Variants in TARM1 observed in about 807,000 individuals in gnomAD.
TARM1 encodes T-cell-interacting, activating receptor on myeloid cells protein 1.
A neutral mutation model predicts 30.4 loss-of-function variants in TARM1; 24 were observed. That is an observed-to-expected ratio of 0.79 (90% CI 0.57 to 1.11). TARM1 has a LOEUF of 1.11. TARM1 is among the 50% of genes least tolerant of loss of function. The pLI is 0.00. For missense variants in TARM1, 323 were observed against 332.8 expected, an observed-to-expected ratio of 0.97 and a Z score of 0.23; for synonymous variants, 129 against 138.9, an observed-to-expected ratio of 0.93 and a Z score of 0.50.
chr19:54,080,345 C>T (rs2072090451), intron 1 of TARM1, among the ~76,000 whole-genome samples: 1 of 150,190 alleles, frequency 6.7e-6, no homozygotes, highest in South Asian at 2.1e-4. Context: ...GTAGTCCCAG[C>T]TACTCGGGAG....
At chr19:54,079,352 G>A (rs1193081333) in intron 1 of TARM1, among the ~76,000 whole-genome samples, 1 of 152,032 alleles carries the variant, frequency 6.6e-6, no homozygotes, top group Non-Finnish European at 1.5e-5. Context: ...GTTAGAGGGT[G>A]TAGCGTTCAT....
At chr19:54,075,223 T>A in intron 2 of TARM1, 109 bp from the exon 3 acceptor site, 1 of 1,000,196 alleles carries the variant, frequency 1.0e-6, no homozygotes, top group Non-Finnish European at 1.4e-6. Context: ...AGTCTCCCTC[T>A]GTTGCCCAGG....
At chr19:54,074,720 C>T (rs927386804) in intron 3 of TARM1, 104 bp downstream of exon 3, 2 of 1,246,814 alleles carry the variant, frequency 1.6e-6, no homozygotes, top group Non-Finnish European at 2.2e-6. Flanking sequence ...TCTCCCACCA[C>T]CCCCAACTAC....
intron 1 of TARM1, chr19:54,076,663 C>T (rs1251286237): frequency 6.5e-6 from 1 of 154,500 alleles, no homozygotes; most frequent in African/African-American, 2.4e-5. Flanking sequence ...TGCCCAGCTT[C>T]TTTTTATTTT....
intron 3 of TARM1, 125 bp downstream of exon 3, chr19:54,074,699 G>A: frequency 5.7e-6 from 6 of 1,054,976 alleles, no homozygotes; most frequent in Non-Finnish European, 8.1e-6. Flanking sequence ...TTTCGTTCCT[G>A]TCTCTCTCCC....
Position 54,073,946 on chromosome 19 carries a change from C to G in TARM1, c.632G>C (p.Ser211Thr), listed in dbSNP as rs2071874788. Residue 211 changes from serine (S) to threonine (T), a missense_variant, in exon 4 of 5, where the codon AGT becomes ACT. By Grantham distance (58) the Ser-to-Thr change is moderately conservative. Coordinates refer to ENST00000432826, the MANE Select transcript of TARM1 (RefSeq NM_001135686.3). ...TGTCACCAATATCTCAAGCTGATCA[C>G]TGGGTTCTGAGGCCCAGAAGGGAGA... ...TKSPFWASEP[S>T]DQLEILVTVP... The G allele has an allele frequency of 6.4e-7, 1 of 1,551,582 alleles. No individual in the cohort carries two copies. The highest frequency in any genetic ancestry group is 8.7e-7 in the Non-Finnish European group (1 of 1,146,992).
chr19:54,081,202 T>C (rs2072122281), intron 1 of TARM1, 105 bp downstream of exon 1: 1 of 1,105,604 alleles, frequency 9.0e-7, no homozygotes. Context: ...TCCTCCCGTG[T>C]GCTCAGTAAG....
chr19:54,072,885 G>A (rs778088285), intron 4 of TARM1, among the ~76,000 whole-genome samples: 18 of 152,062 alleles, frequency 1.2e-4, no homozygotes, highest in Non-Finnish European at 1.6e-4. Flanking sequence ...GGCTGAGGCA[G>A]GAGAATTGCT....
In TARM1 at chr19:54,069,998, T is replaced by C. The variant is rs1401864188; in HGVS notation, c.*5A>G. 6 of 1,550,094 alleles carry C rather than the reference T, an allele frequency of 3.9e-6. No individual in the cohort carries two copies. The highest frequency in any genetic ancestry group is 3.6e-5 in the South Asian group (3 of 84,020). ...CAGTTTACCCAGCCCCGGTTCAAGA[T>C]GGAGTCACTCTGGTTTGAAGGCCTC... On this transcript the variant is annotated 3_prime_UTR_variant, in exon 5 of 5. Transcript: ENST00000432826.
intron 4 of TARM1, among the ~76,000 whole-genome samples, chr19:54,071,487 C>T (rs976573033): frequency 2.0e-5 from 3 of 152,142 alleles, no homozygotes; most frequent in Non-Finnish European, 4.4e-5. Flanking sequence ...TCAGCATCCT[C>T]GCAGCACACA....
At chr19:54,079,342 G>A (rs1445306353) in intron 1 of TARM1, among the ~76,000 whole-genome samples, 1 of 151,970 alleles carries the variant, frequency 6.6e-6, no homozygotes, top group African/African-American at 2.4e-5. Flanking sequence ...AGAGTTATTG[G>A]TTAGAGGGTG....
At chr19:54,079,356 C>T (rs1284090091) in intron 1 of TARM1, among the ~76,000 whole-genome samples, 4 of 151,232 alleles carry the variant, frequency 2.6e-5, no homozygotes, top group Admixed American at 1.3e-4. Flanking sequence ...GAGGGTGTAG[C>T]GTTCATATTG....
At chr19:54,077,607 T>C (rs755387127) in intron 1 of TARM1, among the ~76,000 whole-genome samples, 3 of 152,118 alleles carry the variant, frequency 2.0e-5, no homozygotes, top group Admixed American at 6.6e-5. Context: ...ATCCATAAAC[T>C]GACACTTCAA....
At chr19:54,072,989 G>T (rs1292646139) in intron 4 of TARM1, among the ~76,000 whole-genome samples, 10 of 151,592 alleles carry the variant, frequency 6.6e-5, no homozygotes, top group African/African-American at 2.4e-4. Context: ...AAAACAAAAT[G>T]AAACAAAACA....
At chr19:54,076,106 C>T in intron 1 of TARM1, 188 bp from the exon 2 acceptor site, 1 of 1,468,276 alleles carries the variant, frequency 6.8e-7, no homozygotes, top group Non-Finnish European at 9.0e-7. Flanking sequence ...TCCATCCTTT[C>T]CCAGAGATTC....
chr19:54,074,125 T>G lies in TARM1; in HGVS notation c.453A>C (p.Gln151His). 1 of 1,551,646 alleles carries G rather than the reference T, an allele frequency of 6.4e-7. No homozygotes were observed. Among genetic ancestry groups the G allele is most frequent in the Non-Finnish European group, 8.7e-7 (1 of 1,146,982 alleles). Residue 151 changes from glutamine to histidine, a missense_variant, in exon 4 of 5, where the codon CAA becomes CAC. Transcript: ENST00000432826. ...RVTLQCQKRD[Q>H]LFVPIMFALL... ...GAGCGAACATGATAGGCACAAACAA[T>G]TGGTCTCGCTTCTGGCACTGCAGAG...
chr19:54,071,814 G>C (rs2071819671), intron 4 of TARM1, among the ~76,000 whole-genome samples: 2 of 151,976 alleles, frequency 1.3e-5, no homozygotes, highest in African/African-American at 4.8e-5. Flanking sequence ...TTGGGCGACA[G>C]AGTGAGACTC....
chr19:54,074,354 A>G lies in TARM1; in HGVS notation c.362-138T>C, dbSNP rs764749256. 375 of 830,822 alleles carry G rather than the reference A, an allele frequency of 4.5e-4. 6 individuals are homozygous for G. Among genetic ancestry groups the G allele is most frequent in the Non-Finnish European group, 7.7e-5 (42 of 542,954 alleles). The allele number at this position is 830,822 out of a possible 1,614,324, so 51.5% of individuals were successfully genotyped here. ...TCTCTTCTACCTTCCTCCACTTCCTACTCCGACCCCAGGACAGAGATTCTC... is the reference window on the plus strand; with the variant it reads ...TCTCTTCTACCTTCCTCCACTTCCTGCTCCGACCCCAGGACAGAGATTCTC... On this transcript the variant is annotated intron_variant, in intron 3 of 4. Transcript: ENST00000432826.
chr19:54,071,298 A>G (rs1157453973), intron 4 of TARM1, among the ~76,000 whole-genome samples: 1 of 151,982 alleles, frequency 6.6e-6, no homozygotes, highest in Non-Finnish European at 1.5e-5. Context: ...GAGTTCCTTT[A>G]TCTTCCTTCC....
Sources: allele counts gnomAD v4.1 joint callset (sites outside exome capture counted in the v4.1 genomes callset), GRCh38; gene constraint gnomAD v4.1.1; transcripts MANE v1.5; gene names NCBI Gene and HGNC (gene_info 2026-07-23, HGNC 2026-07-21).